PRSS55: variants seen among roughly 807,000 people sequenced by gnomAD.
PRSS55 encodes serine protease 55.
In PRSS55, 41 loss-of-function variants were observed where a neutral mutation model predicts 23.6. The observed-to-expected ratio is 1.74, with a 90% CI of 1.35 to 2.26. PRSS55 has a LOEUF of 2.26. PRSS55 is among the 30% of genes most tolerant of loss of function. PRSS55 has a pLI of 0.00. For missense variants in PRSS55, 669 were observed against 439.1 expected, an observed-to-expected ratio of 1.52 and a Z score of -4.68; for synonymous variants, 262 against 175.5, an observed-to-expected ratio of 1.49 and a Z score of -3.90.
downstream of PRSS55, among the ~76,000 whole-genome samples, chr8:10,542,247 G>C (rs1272506652): frequency 6.6e-6 from 1 of 152,136 alleles, no homozygotes; most frequent in Non-Finnish European, 1.5e-5. Context: ...TGGTGCCCCA[G>C]TGCGGATGTG....
chr8:10,532,260 C>T (rs1192206137), intron 3 of PRSS55, among the ~76,000 whole-genome samples: 1 of 152,102 alleles, frequency 6.6e-6, no homozygotes, highest in African/African-American at 2.4e-5. Context: ...GCTCCAGGCA[C>T]TCCTGGAAAG....
In PRSS55 at chr8:10,525,607, C is replaced by T; in HGVS notation, c.22C>T (p.Leu8=). The T allele has an allele frequency of 1.2e-6, 2 of 1,614,104 alleles. No homozygotes were observed. Among genetic ancestry groups the T allele is most frequent in the Non-Finnish European group, 1.7e-6 (2 of 1,179,992 alleles). Residue 8 remains leucine (L), a synonymous_variant, in exon 1 of 5, where the codon CTG becomes TTG. Coordinates refer to ENST00000328655, the MANE Select transcript of PRSS55 (RefSeq NM_198464.4). ...GGCCATGCTCCTGTTCTCAGTGTTG[C>T]TGCTCCTGTCCCTGGTCACGGGAAC... MLLFSVL[L]LLSLVTGTQL... is the part of the protein sequence containing the mutation.
chr8:10,529,633 G>A lies in PRSS55; in HGVS notation c.281G>A (p.Gly94Asp), dbSNP rs781478226. The A allele has an allele frequency of 6.2e-7, 1 of 1,614,170 alleles. No homozygotes were observed. Among genetic ancestry groups the A allele is most frequent in the Non-Finnish European group, 8.5e-7 (1 of 1,180,026 alleles). ...CAGGCAAGAAGTGAACCTTTCTGTG[G>A]CGGCTCCATCCTCAACAAGTGGTGG... ...SIQARSEPFC[G>D]GSILNKWWIL... is the part of the protein sequence containing the mutation. The change falls in exon 2 of 5, where the codon GGC (glycine) becomes GAC (aspartate). Residue 94 changes from glycine to aspartate, a missense_variant. Gly to Asp is a moderately conservative substitution (Grantham distance 94). Coordinates refer to ENST00000328655, the MANE Select transcript of PRSS55 (RefSeq NM_198464.4).
chr8:10,550,856 A>T (rs1202216832), intron 4 of PRSS55, among the ~76,000 whole-genome samples: 2 of 152,246 alleles, frequency 1.3e-5, no homozygotes, highest in African/African-American at 2.4e-5. Flanking sequence ...GCACAAACAC[A>T]TCTGTAGGAG....
chr8:10,542,957 TG>T (rs2117066074), downstream of PRSS55, among the ~76,000 whole-genome samples: 1 of 152,166 alleles, frequency 6.6e-6, no homozygotes, highest in Non-Finnish European at 1.5e-5. Flanking sequence ...GTGGCTGTTT[TG>T]TCTGCTCTGC....
chr8:10,551,263 CT>C (rs1421504359), intron 4 of PRSS55, among the ~76,000 whole-genome samples: 2 of 152,216 alleles, frequency 1.3e-5, no homozygotes, highest in African/African-American at 2.4e-5. Context: ...GCCTTCTTTT[CT>C]TCTAAGACAA....
chr8:10,532,097 G>A (rs1011594591), intron 3 of PRSS55, among the ~76,000 whole-genome samples: 1 of 152,204 alleles, frequency 6.6e-6, no homozygotes, highest in Non-Finnish European at 1.5e-5. Context: ...ATAGATAGGG[G>A]AGGGGAGGGG....
downstream of PRSS55, among the ~76,000 whole-genome samples, chr8:10,541,896 C>G (rs1016032528): frequency 6.6e-6 from 1 of 152,164 alleles, no homozygotes; most frequent in Non-Finnish European, 1.5e-5. Context: ...GTCCCAGCCT[C>G]TCTAATAGCT....
chr8:10,552,766 TAGTG>T (rs1812979613), intron 4 of PRSS55, among the ~76,000 whole-genome samples: 1 of 152,178 alleles, frequency 6.6e-6, no homozygotes, highest in Non-Finnish European at 1.5e-5. Context: ...AGACAAAAGA[TAGTG>T]AGTGTTGGTG....
intron 3 of PRSS55, 82 bp from the exon 4 acceptor site, chr8:10,532,824 G>GC: frequency 6.4e-7 from 1 of 1,567,214 alleles, no homozygotes; most frequent in Non-Finnish European, 8.7e-7. Context: ...GGGACACAGG[G>GC]CCGAGGGCAC....
rs768664227 is a variant in PRSS55, at chr8:10,529,601, G to A, written c.249G>A (p.Val83=). 3.1e-6 allele frequency: 5 copies of A among 1,614,216 alleles called. No individual in the cohort carries two copies. Among genetic ancestry groups the A allele is most frequent in the East Asian group, 4.5e-5 (2 of 44,880 alleles). The part of the protein sequence containing the change: ...EAEVGEFPWQ[V]SIQARSEPFC... Reference sequence around the variant, plus strand: ...AGGTGGGTGAGTTTCCGTGGCAGGTGAGTATTCAGGCAAGAAGTGAACCTT... The same window carrying A: ...AGGTGGGTGAGTTTCCGTGGCAGGTAAGTATTCAGGCAAGAAGTGAACCTT... Residue 83 remains valine (V), a synonymous_variant, in exon 2 of 5, where the codon GTG becomes GTA. Transcript: ENST00000328655.
At chr8:10,548,459 C>T (rs1812873725) in intron 4 of PRSS55, among the ~76,000 whole-genome samples, 1 of 152,158 alleles carries the variant, frequency 6.6e-6, no homozygotes. Flanking sequence ...ACGGGTGGGG[C>T]CCTGGGCCCA....
At chr8:10,547,395 A>T (rs1324600541) in intron 4 of PRSS55, 11 of 152,306 alleles carry the variant, frequency 7.2e-5, no homozygotes, top group African/African-American at 2.4e-4. Context: ...TGTTTTGCAG[A>T]GCTGCTTCTA....
At chr8:10,543,190 G>C (rs1563547002), downstream of PRSS55, among the ~76,000 whole-genome samples, 1 of 152,072 alleles carries the variant, frequency 6.6e-6, no homozygotes, top group African/African-American at 2.4e-5. Context: ...GCAAGTCCCA[G>C]AACTTCACCT....
At chr8:10,552,872 A>C (rs1410538553) in intron 4 of PRSS55, among the ~76,000 whole-genome samples, 2 of 152,234 alleles carry the variant, frequency 1.3e-5, no homozygotes, top group Non-Finnish European at 2.9e-5. Flanking sequence ...GCTTCTCAAA[A>C]ACTAAAAATA....
At chr8:10,535,941 C>T (rs932870423) in intron 4 of PRSS55, among the ~76,000 whole-genome samples, 8 of 152,230 alleles carry the variant, frequency 5.3e-5, no homozygotes, top group Admixed American at 4.6e-4. Context: ...AATCCCAGCA[C>T]TGTGGGACGC....
At chr8:10,531,066 T>C (rs971141857) in intron 2 of PRSS55, among the ~76,000 whole-genome samples, 3 of 151,896 alleles carry the variant, frequency 2.0e-5, no homozygotes, top group African/African-American at 7.3e-5. Context: ...GGGCCCCTGA[T>C]GGTGCAGTGG....
chr8:10,526,418 C>T lies in PRSS55; in HGVS notation c.154+679C>T, dbSNP rs549654464. Reference sequence around the variant, plus strand: ...AGCGCCAGGCTGCATGCCCTGTGCACACCACTTCTTGCCCAGAACACAGCA... The same window carrying T: ...AGCGCCAGGCTGCATGCCCTGTGCATACCACTTCTTGCCCAGAACACAGCA... On this transcript the variant is annotated intron_variant, in intron 1 of 4. Coordinates refer to ENST00000328655, the MANE Select transcript of PRSS55 (RefSeq NM_198464.4). Among the ~76,000 whole-genome samples the T allele has an allele frequency of 2.0e-5, 3 of 152,348 alleles. No individual in the cohort carries two copies. The South Asian group carries it at 6.2e-4, about 32-fold the overall frequency.
At chr8:10,545,628 C>A (rs999630993) in intron 4 of PRSS55, among the ~76,000 whole-genome samples, 6 of 152,122 alleles carry the variant, frequency 3.9e-5, no homozygotes, top group Non-Finnish European at 8.8e-5. Flanking sequence ...GCTACCAAGC[C>A]CAGGCTTTCT....
Sources: allele counts gnomAD v4.1 joint callset (sites outside exome capture counted in the v4.1 genomes callset), GRCh38; gene constraint gnomAD v4.1.1; transcripts MANE v1.5; gene names NCBI Gene and HGNC (gene_info 2026-07-23, HGNC 2026-07-21).